Variants in CSMD1 observed in about 807,000 individuals in gnomAD.
CSMD1 encodes CUB and Sushi multiple domains 1.
In CSMD1, 213 loss-of-function variants were observed where a neutral mutation model predicts 417.5. The observed-to-expected ratio is 0.51, with a 90% CI of 0.46 to 0.57. The LOEUF is 0.57. Ranked by LOEUF, CSMD1 falls within the 20% of genes least tolerant of loss-of-function variation. The probability of loss-of-function intolerance (pLI) is 0.00; values close to 1 mark genes in which losing one functional copy is unlikely to be tolerated. For synonymous variants in CSMD1, 2,862 were observed against 1,736.8 expected (o/e 1.65, Z -16.11); for missense variants, 6,923 against 4,529.7 (o/e 1.53, Z -15.17).
At chr8:3,897,697 C>G (rs575141842) in intron 5 of CSMD1, among the ~76,000 whole-genome samples, 87 of 152,218 alleles carry the variant, frequency 5.7e-4, no homozygotes, top group African/African-American at 2.0e-3. Flanking sequence ...CTTTATCATG[C>G]CCATAATCCC....
chr8:3,822,301 G>C (rs1392508503), intron 5 of CSMD1, among the ~76,000 whole-genome samples: 3 of 152,154 alleles, frequency 2.0e-5, no homozygotes, highest in African/African-American at 7.2e-5. Context: ...TGTCTAGGGG[G>C]AAGAACAGGT....
intron 3 of CSMD1, among the ~76,000 whole-genome samples, chr8:4,072,197 C>A (rs570373564): frequency 6.6e-6 from 1 of 152,086 alleles, no homozygotes; most frequent in Non-Finnish European, 1.5e-5. Context: ...TTCTGTTTTA[C>A]GTATTTATTT....
intron 10 of CSMD1, among the ~76,000 whole-genome samples, chr8:3,544,665 G>A (rs879790379): frequency 5.3e-5 from 8 of 152,252 alleles, no homozygotes; most frequent in East Asian, 1.9e-4. Context: ...CACCACTGCA[G>A]ACTTGCCTGG....
intron 2 of CSMD1, among the ~76,000 whole-genome samples, chr8:4,426,843 G>A (rs1219031223): frequency 6.6e-6 from 1 of 150,912 alleles, no homozygotes; most frequent in Non-Finnish European, 1.5e-5. Context: ...ACTATATTAT[G>A]TACTATATTA....
chr8:4,341,183 G>A (rs192583310), intron 3 of CSMD1, among the ~76,000 whole-genome samples: 1 of 151,996 alleles, frequency 6.6e-6, no homozygotes, highest in Non-Finnish European at 1.5e-5. Flanking sequence ...TCTATATTTG[G>A]GGATTCAAAT....
At chr8:3,325,759 G>A (rs944727646) in intron 23 of CSMD1, among the ~76,000 whole-genome samples, 1 of 152,174 alleles carries the variant, frequency 6.6e-6, no homozygotes, top group African/African-American at 2.4e-5. Context: ...GGGAGGCAGA[G>A]GTTGCAGTGA....
rs545773967 is a variant in CSMD1 at position 3,930,581 on chromosome 8, G to A, written c.818+67322C>T. Among the ~76,000 whole-genome samples the A allele has an allele frequency of 3.3e-4, 50 of 150,348 alleles. 3 individuals carry two copies. In the South Asian group the frequency reaches 4.1e-3, roughly 12 times the overall value. On this transcript the variant is annotated intron_variant, in intron 5 of 69. Coordinates refer to ENST00000635120, the MANE Select transcript of CSMD1 (RefSeq NM_033225.6). Reference sequence around the variant, plus strand: ...GGACAAATACAGAATCTGAGGTCCCGTTCCAGCCAAAGGAAACGGGACACA... The same window carrying A: ...GGACAAATACAGAATCTGAGGTCCCATTCCAGCCAAAGGAAACGGGACACA...
intron 5 of CSMD1, among the ~76,000 whole-genome samples, chr8:3,890,949 C>T (rs1404041987): frequency 6.6e-6 from 1 of 150,406 alleles, no homozygotes; most frequent in African/African-American, 2.5e-5. Context: ...GACTCTCATA[C>T]GACTCTCTCA....
At chr8:3,988,712 A>T (rs964782292) in intron 5 of CSMD1, among the ~76,000 whole-genome samples, 1 of 152,246 alleles carries the variant, frequency 6.6e-6, no homozygotes, top group Non-Finnish European at 1.5e-5. Context: ...AAACCAGGAT[A>T]GCATTTTGAT....
At chr8:4,519,125 T>C (rs193269043) in intron 2 of CSMD1, among the ~76,000 whole-genome samples, 2 of 152,312 alleles carry the variant, frequency 1.3e-5, no homozygotes, top group African/African-American at 4.8e-5. Flanking sequence ...GCGACGCTAA[T>C]AGTATTTTAC....
In CSMD1 at chr8:3,268,821, G is replaced by A. The variant is rs373570793; in HGVS notation, c.4153+15323C>T. Among the ~76,000 whole-genome samples the A allele has an allele frequency of 6.6e-5, 10 of 152,244 alleles. No individual in the cohort carries two copies. The East Asian group carries it at 1.7e-3, about 27-fold the overall frequency. ...TTTATGCCCAGGGTCCTGGGGGACA[G>A]TGGGGCCTGAAATGACTGTTGCCTG... On this transcript the variant is annotated intron_variant, in intron 26 of 69. Transcript: ENST00000635120.
chr8:4,251,570 G>A (rs1328642565), intron 3 of CSMD1, among the ~76,000 whole-genome samples: 2 of 152,174 alleles, frequency 1.3e-5, no homozygotes, highest in East Asian at 1.9e-4. Flanking sequence ...TATCCCACAG[G>A]TGACTCTATC....
chr8:4,001,454 G>C (rs1040854117), intron 4 of CSMD1, among the ~76,000 whole-genome samples: 1 of 152,166 alleles, frequency 6.6e-6, no homozygotes, highest in African/African-American at 2.4e-5. Flanking sequence ...GAGTTAACTG[G>C]TAAAAGAGGG....
chr8:4,321,900 G>C (rs926883005), intron 3 of CSMD1, among the ~76,000 whole-genome samples: 1 of 151,902 alleles, frequency 6.6e-6, no homozygotes, highest in Non-Finnish European at 1.5e-5. Flanking sequence ...TGATTTATTA[G>C]ACTTTTGCCT....
intron 1 of CSMD1, among the ~76,000 whole-genome samples, chr8:4,877,422 A>G (rs955044515): frequency 1.3e-5 from 2 of 152,104 alleles, no homozygotes; most frequent in African/African-American, 4.8e-5. Flanking sequence ...AGAAATATCA[A>G]TTATGTATTT....
At chr8:4,101,888 C>T (rs1174001456) in intron 3 of CSMD1, among the ~76,000 whole-genome samples, 1 of 152,156 alleles carries the variant, frequency 6.6e-6, no homozygotes, top group Non-Finnish European at 1.5e-5. Context: ...TTGTTAACAA[C>T]TACTATCTCT....
intron 5 of CSMD1, among the ~76,000 whole-genome samples, chr8:3,805,053 A>G (rs905133035): frequency 1.3e-5 from 2 of 152,064 alleles, no homozygotes. Flanking sequence ...ATATAACACC[A>G]CTTAGGCACA....
intron 8 of CSMD1, 21 bp downstream of exon 8, chr8:3,616,689 C>G: frequency 2.7e-6 from 4 of 1,467,928 alleles, no homozygotes; most frequent in Non-Finnish European, 3.8e-6. Flanking sequence ...TGCTTTTTTC[C>G]ACCACTATTG....
At chr8:3,130,425 C>T (rs1247313285) in intron 41 of CSMD1, among the ~76,000 whole-genome samples, 1 of 152,118 alleles carries the variant, frequency 6.6e-6, no homozygotes, top group African/African-American at 2.4e-5. Flanking sequence ...TTCCCCTGCT[C>T]TACTCTTCCC....
Sources: gnomAD v4.1 joint callset for allele counts (sites outside exome capture counted in the v4.1 genomes callset) on GRCh38, gnomAD v4.1.1 for gene constraint, MANE v1.5 for transcripts, NCBI Gene and HGNC (gene_info 2026-07-23, HGNC 2026-07-21) for gene names.